AKAP6: variants seen among roughly 807,000 people sequenced by gnomAD.
The protein encoded by AKAP6 is A-kinase anchoring protein 6, also known as A-kinase anchor protein 6.
In AKAP6, 58 loss-of-function variants were observed where a neutral mutation model predicts 188.5. That is an observed-to-expected ratio of 0.31 (90% CI 0.25 to 0.38). The LOEUF is 0.38. AKAP6 is among the 10% of genes least tolerant of loss of function. AKAP6 has a pLI of 1.00. For missense variants in AKAP6, 2,710 were observed against 2,740.0 expected (o/e 0.99, Z 0.24); for synonymous variants, 989 against 998.6 (o/e 0.99, Z 0.18).
chr14:32,352,103 TTG>T (rs398024717), intron 1 of AKAP6, among the ~76,000 whole-genome samples: 26,904 of 119,972 alleles, frequency 0.22, 2,703 homozygotes, highest in African/African-American at 0.34. Flanking sequence ...GTGTGTGTGT[TTG>T]TGTGTGTGTG....
At chr14:32,560,315 G>A (rs1052099775) in intron 4 of AKAP6, among the ~76,000 whole-genome samples, 1 of 152,118 alleles carries the variant, frequency 6.6e-6, no homozygotes, top group South Asian at 2.1e-4. Context: ...GGATCATTGC[G>A]CAAGGTTGGT....
At chr14:32,441,041 G>A (rs965264091) in intron 2 of AKAP6, among the ~76,000 whole-genome samples, 4 of 152,200 alleles carry the variant, frequency 2.6e-5, no homozygotes, top group African/African-American at 9.6e-5. Flanking sequence ...TGCCATATTG[G>A]AAGCAGAGAG....
chr14:32,746,591 A>G (rs1056334637), intron 11 of AKAP6, among the ~76,000 whole-genome samples: 1 of 152,176 alleles, frequency 6.6e-6, no homozygotes, highest in African/African-American at 2.4e-5. Flanking sequence ...GTACTTGTCA[A>G]GAGGTACAAG....
intron 7 of AKAP6, among the ~76,000 whole-genome samples, chr14:32,643,427 C>T (rs1887848554): frequency 6.6e-6 from 1 of 151,992 alleles, no homozygotes; most frequent in Non-Finnish European, 1.5e-5. Context: ...CCCGCCTCAG[C>T]CTCCTGAGTA....
At chr14:32,507,669 G>A (rs1370473418) in intron 2 of AKAP6, among the ~76,000 whole-genome samples, 2 of 152,120 alleles carry the variant, frequency 1.3e-5, no homozygotes, top group African/African-American at 4.8e-5. Flanking sequence ...GAGTGATGCA[G>A]TCAAGTGCTA....
chr14:32,622,101 C>A (rs1299145997), intron 7 of AKAP6, among the ~76,000 whole-genome samples: 2 of 151,952 alleles, frequency 1.3e-5, no homozygotes, highest in East Asian at 3.9e-4. Context: ...AATAAAAATT[C>A]CAAAAGTTGG....
intron 9 of AKAP6, among the ~76,000 whole-genome samples, chr14:32,717,498 T>C (rs926417907): frequency 1.3e-5 from 2 of 151,914 alleles, no homozygotes; most frequent in Non-Finnish European, 2.9e-5. Context: ...CTTTGTAACT[T>C]CCCCTATTTA....
At chr14:32,734,535 T>C (rs1241610382) in intron 10 of AKAP6, 2 of 152,138 alleles carry the variant, frequency 1.3e-5, no homozygotes, top group Admixed American at 1.3e-4. Context: ...TTCTCTGAAG[T>C]ATTCTGTTTA....
chr14:32,807,943 C>G (rs2034132058), intron 12 of AKAP6, among the ~76,000 whole-genome samples: 1 of 152,128 alleles, frequency 6.6e-6, no homozygotes, highest in Non-Finnish European at 1.5e-5. Context: ...TAACACTGTA[C>G]CTGTAAAGAT....
intron 1 of AKAP6, among the ~76,000 whole-genome samples, chr14:32,344,915 T>TA (rs11297648): frequency 0.024 from 2,568 of 105,384 alleles, 103 homozygotes; most frequent in African/African-American, 0.082. Context: ...GACTCTGTCT[T>TA]AAAAAAAAAA....
Position 32,629,932 on chromosome 14 carries a change from A to G in AKAP6, c.2730+29140A>G, listed in dbSNP as rs374931718. Among the ~76,000 whole-genome samples the G allele has an allele frequency of 1.2e-3, 180 of 152,222 alleles. 2 individuals carry two copies. Among genetic ancestry groups the G allele is most frequent in the South Asian group, 6.4e-3 (31 of 4,824 alleles). ...AATTAAATTTTTTTAAAAAAGAATG[A>G]TAATACTCTGCCATAATTCATTGAC... is the stretch of plus-strand genomic sequence containing the variant. On this transcript the variant is annotated intron_variant, in intron 7 of 13. Transcript: ENST00000280979.
chr14:32,638,223 G>A (rs1316955736), intron 7 of AKAP6, among the ~76,000 whole-genome samples: 1 of 151,988 alleles, frequency 6.6e-6, no homozygotes, highest in Admixed American at 6.6e-5. Context: ...TAAGTGAAAA[G>A]ACATAAGAAG....
At chr14:32,579,740 TTTACTGTC>T in intron 5 of AKAP6, among the ~76,000 whole-genome samples, 1 of 152,292 alleles carries the variant, frequency 6.6e-6, no homozygotes, top group South Asian at 2.1e-4. Flanking sequence ...ATTGTATTTC[TTTACTGTC>T]ATGCTGAATT....
intron 2 of AKAP6, among the ~76,000 whole-genome samples, chr14:32,517,609 T>C (rs1167148209): frequency 7.2e-5 from 11 of 152,090 alleles, no homozygotes; most frequent in Non-Finnish European, 1.5e-5. Flanking sequence ...AGCACAGCAG[T>C]ATGAGAGCGA....
intron 1 of AKAP6, among the ~76,000 whole-genome samples, chr14:32,431,502 C>T (rs1285038998): frequency 6.6e-6 from 1 of 152,054 alleles, no homozygotes; most frequent in Non-Finnish European, 1.5e-5. Flanking sequence ...ATCTGTAATT[C>T]TCTTTTTTAT....
At position 32,811,255 on chromosome 14, in the gene AKAP6, A is replaced by AAAAAAAAAAT. The variant is rs546819675; in HGVS notation, c.3589-10146_3589-10145insAAAAAAAATA. Among the ~76,000 whole-genome samples the AAAAAAAAAAT allele has an allele frequency of 2.5e-4, 30 of 118,346 alleles. 4 individuals are homozygous for AAAAAAAAAAT. Among genetic ancestry groups the AAAAAAAAAAT allele is most frequent in the East Asian group, 1.0e-3 (4 of 3,844 alleles). The allele number at this position is 118,346 out of a possible 152,430, so 77.6% of individuals were successfully genotyped here. A position where few individuals can be genotyped will look rare whatever the true frequency, so the allele number is the denominator to read the frequency against. On this transcript the variant is annotated intron_variant, in intron 12 of 13. Transcript: ENST00000280979. ...CTCCGTCTCAGGAAAAAAAAAAAAAAAGTTGAAAAACAGACTAAGATAATG... is the reference window on the plus strand; with the variant it reads ...CTCCGTCTCAGGAAAAAAAAAAAAAAAAAAAAAAATAGTTGAAAAACAGACTAAGATAATG...
chr14:32,646,466 G>C (rs1386759943), intron 7 of AKAP6, among the ~76,000 whole-genome samples: 1 of 152,098 alleles, frequency 6.6e-6, no homozygotes, highest in East Asian at 1.9e-4. Context: ...CTGCACGCAA[G>C]ATCTACCATA....
chr14:32,372,260 A>T (rs994611119), intron 1 of AKAP6, among the ~76,000 whole-genome samples: 3 of 151,672 alleles, frequency 2.0e-5, no homozygotes, highest in Non-Finnish European at 4.4e-5. Flanking sequence ...TTAATGTAAC[A>T]TTTTTTTCTT....
intron 11 of AKAP6, among the ~76,000 whole-genome samples, chr14:32,745,906 C>CT (rs2031888094): frequency 6.6e-6 from 1 of 152,190 alleles, no homozygotes; most frequent in Non-Finnish European, 1.5e-5. Context: ...TCCCACTCTT[C>CT]CATCCCCTTT....
Sources: gnomAD v4.1 joint callset for allele counts (sites outside exome capture counted in the v4.1 genomes callset) on GRCh38, gnomAD v4.1.1 for gene constraint, MANE v1.5 for transcripts, NCBI Gene and HGNC (gene_info 2026-07-23, HGNC 2026-07-21) for gene names.